FGD4: variants seen among roughly 807,000 people sequenced by gnomAD.
FGD4 encodes the protein FYVE, RhoGEF and PH domain containing 4.
Under a neutral mutation model 102.0 loss-of-function variants are expected in FGD4, and 42 were observed. The ratio of observed to expected loss-of-function variants is 0.41; its 90% CI spans 0.32 to 0.53. FGD4 has a LOEUF of 0.53. Among genes scored for constraint, FGD4 ranks in the 20% least tolerant of loss-of-function variants. FGD4 has a pLI of 0.21. For missense variants in FGD4, 902 were observed against 1,078.2 expected, an observed-to-expected ratio of 0.84 and a Z score of 2.29; for synonymous variants, 380 against 375.7, an observed-to-expected ratio of 1.01 and a Z score of -0.13.
chr12:32,550,762 A>C (rs998909877), intron 1 of FGD4, among the ~76,000 whole-genome samples: 4 of 152,130 alleles, frequency 2.6e-5, no homozygotes, highest in South Asian at 2.1e-4. Flanking sequence ...AAAACTAGCA[A>C]TTGTGATACT....
At chr12:32,612,476 C>G (rs1329817228) in intron 10 of FGD4, among the ~76,000 whole-genome samples, 1 of 152,194 alleles carries the variant, frequency 6.6e-6, no homozygotes, top group Non-Finnish European at 1.5e-5. Context: ...ACAAAGGTGT[C>G]CAGCTGACAA....
chr12:32,420,098 A>T (rs1375042070), intron 1 of FGD4, among the ~76,000 whole-genome samples: 1 of 152,030 alleles, frequency 6.6e-6, no homozygotes, highest in Non-Finnish European at 1.5e-5. Flanking sequence ...TTAAAATTTG[A>T]TGTTCCTCCT....
intron 1 of FGD4, among the ~76,000 whole-genome samples, chr12:32,495,435 G>A (rs959046668): frequency 3.3e-5 from 5 of 152,100 alleles, no homozygotes; most frequent in Non-Finnish European, 7.4e-5. Context: ...GGTGGCTCAC[G>A]CCTGTAATCC....
intron 1 of FGD4, among the ~76,000 whole-genome samples, chr12:32,471,954 T>C (rs1943425884): frequency 6.6e-6 from 1 of 152,228 alleles, no homozygotes; most frequent in Admixed American, 6.5e-5. Context: ...TCATTGGGGA[T>C]GATCACCAAA....
At chr12:32,496,455 G>T (rs1311314407) in intron 1 of FGD4, among the ~76,000 whole-genome samples, 1 of 152,072 alleles carries the variant, frequency 6.6e-6, no homozygotes, top group East Asian at 1.9e-4. Flanking sequence ...CCTACAACAA[G>T]AGTTAAAAGT....
chr12:32,479,450 C>T (rs1943663994), intron 1 of FGD4, among the ~76,000 whole-genome samples: 1 of 151,984 alleles, frequency 6.6e-6, no homozygotes, highest in African/African-American at 2.4e-5. Context: ...CTACCTCAGC[C>T]TCCCATGAAT....
At chr12:32,561,078 T>G (rs1944527959) in intron 1 of FGD4, among the ~76,000 whole-genome samples, 1 of 102,104 alleles carries the variant, frequency 9.8e-6, no homozygotes, top group Middle Eastern at 3.9e-3. Context: ...GGGTTTTGTT[T>G]TTTTTTTTTT....
chr12:32,524,817 CTG>C (rs1029216794), intron 1 of FGD4, among the ~76,000 whole-genome samples: 3 of 137,456 alleles, frequency 2.2e-5, no homozygotes, highest in African/African-American at 7.7e-5. Flanking sequence ...GAGTGAGACA[CTG>C]TTTCAAAAAA....
chr12:32,638,526 C>T lies in FGD4; in HGVS notation c.2314-129C>T, dbSNP rs117293129. 18,756 of 1,261,068 alleles carry T rather than the reference C, an allele frequency of 0.015. 205 individuals carry two copies. The highest frequency in any genetic ancestry group is 0.016 in the Non-Finnish European group (14,105 of 893,978). 78.1% of individuals were successfully genotyped at this position (1,261,068 alleles called of 1,614,324 possible). A position where few individuals can be genotyped will look rare whatever the true frequency, so the allele number is the denominator to read the frequency against. ...TATTTTCCATGTTAAAATGTTTAAA[C>T]AATAATTGCAAATGAATCTTTTTTG... On this transcript the variant is annotated intron_variant, in intron 15 of 16. Transcript: ENST00000534526.
intron 1 of FGD4, among the ~76,000 whole-genome samples, chr12:32,440,511 C>T (rs1942395324): frequency 6.6e-6 from 1 of 152,218 alleles, no homozygotes; most frequent in Non-Finnish European, 1.5e-5. Context: ...TACAGAGTCC[C>T]TGTCTCTGTT....
chr12:32,474,872 C>G (rs971361407), intron 1 of FGD4, among the ~76,000 whole-genome samples: 5 of 152,114 alleles, frequency 3.3e-5, no homozygotes, highest in African/African-American at 1.2e-4. Context: ...CCCCTGTACT[C>G]CAGCCTGGGT....
rs1362197439 is a variant in FGD4, at chr12:32,405,280, T to A, written c.166+5321T>A. ...TCAGTGGTTTTTTTTTTTTTTTTTT[T>A]AGAAGGAGTTTCACTCTTGTCCAGG... On this transcript the variant is annotated intron_variant, in intron 1 of 16. Coordinates refer to ENST00000534526, the MANE Select transcript of FGD4 (RefSeq NM_001370298.3). Among the ~76,000 whole-genome samples the A allele has an allele frequency of 6.3e-5, 9 of 141,914 alleles. No homozygotes were observed. In the East Asian group the frequency reaches 1.7e-3, roughly 27 times the overall value. The allele number at this position is 141,914 out of a possible 152,430, so 93.1% of individuals were successfully genotyped here. A position where few individuals can be genotyped will look rare whatever the true frequency, so the allele number is the denominator to read the frequency against.
At chr12:32,628,509 T>C (rs544149486) in intron 14 of FGD4, among the ~76,000 whole-genome samples, 1 of 151,998 alleles carries the variant, frequency 6.6e-6, no homozygotes, top group Non-Finnish European at 1.5e-5. Context: ...GATTAAATTA[T>C]GTACAGAGGC....
intron 2 of FGD4, among the ~76,000 whole-genome samples, chr12:32,569,762 A>G (rs1225566317): frequency 6.6e-6 from 1 of 152,220 alleles, no homozygotes; most frequent in Non-Finnish European, 1.5e-5. Flanking sequence ...GTAGATATTC[A>G]ATAAGTATTC....
Position 32,525,583 on chromosome 12 carries a change from T to G in FGD4, c.167-38554T>G, listed in dbSNP as rs375944623. 3.5e-4 allele frequency among the ~76,000 whole-genome samples: 53 copies of G among 152,310 alleles called. 1 individual carries two copies. In the Middle Eastern group the frequency reaches 0.031, roughly 88 times the overall value. On this transcript the variant is annotated intron_variant, in intron 1 of 16. Transcript: ENST00000534526. Reference sequence around the variant, plus strand: ...CTCCCACTTTGGTGGCATTTGAGGATCCCTTCAGTCCCCCACTGCACTGTG... The same window carrying G: ...CTCCCACTTTGGTGGCATTTGAGGAGCCCTTCAGTCCCCCACTGCACTGTG...
At chr12:32,603,578 G>A (rs1592372696) in intron 7 of FGD4, among the ~76,000 whole-genome samples, 3 of 151,962 alleles carry the variant, frequency 2.0e-5, no homozygotes, top group African/African-American at 7.2e-5. Flanking sequence ...GTAGAGATGG[G>A]GTTTCACCGT....
chr12:32,484,151 G>A (rs1417368497), intron 1 of FGD4, among the ~76,000 whole-genome samples: 1 of 152,110 alleles, frequency 6.6e-6, no homozygotes, highest in Admixed American at 6.5e-5. Context: ...GCTTTATCTT[G>A]ACTGCCTTGT....
intron 10 of FGD4, among the ~76,000 whole-genome samples, chr12:32,615,516 A>G (rs1303166040): frequency 6.6e-6 from 1 of 152,218 alleles, no homozygotes; most frequent in East Asian, 1.9e-4. Flanking sequence ...TTTGTGCTAA[A>G]CACAAGTACT....
At chr12:32,616,199 A>G (rs1168826711) in intron 10 of FGD4, among the ~76,000 whole-genome samples, 1 of 152,176 alleles carries the variant, frequency 6.6e-6, no homozygotes, top group Non-Finnish European at 1.5e-5. Context: ...CTCTGGGTCT[A>G]ACCAATTGCC....
Sources: allele counts gnomAD v4.1 joint callset (sites outside exome capture counted in the v4.1 genomes callset), GRCh38; gene constraint gnomAD v4.1.1; transcripts MANE v1.5; gene names NCBI Gene and HGNC (gene_info 2026-07-23, HGNC 2026-07-21).